Variants in UQCRFS1 observed in about 807,000 individuals in gnomAD.
The protein encoded by UQCRFS1 is ubiquinol-cytochrome c reductase, Rieske iron-sulfur polypeptide 1.
A neutral mutation model predicts 15.6 loss-of-function variants in UQCRFS1; 6 were observed. The observed-to-expected ratio is 0.38, with a 90% confidence interval of 0.21 to 0.76. The LOEUF is 0.76. Among genes scored for constraint, UQCRFS1 ranks in the 30% least tolerant of loss-of-function variants. The probability of loss-of-function intolerance (pLI) is 0.44; values close to 1 mark genes in which losing one functional copy is unlikely to be tolerated. For synonymous variants in UQCRFS1, 105 were observed against 154.3 expected (o/e 0.68, Z 2.37); for missense variants, 203 against 366.7 (o/e 0.55, Z 3.65).
At chr19:29,211,495 T>G (rs1296437667) in intron 1 of UQCRFS1, among the ~76,000 whole-genome samples, 1 of 152,200 alleles carries the variant, frequency 6.6e-6, no homozygotes, top group Admixed American at 6.5e-5. Context: ...AAATATTCAT[T>G]CACAAATACT....
In UQCRFS1 at chr19:29,207,657, T is replaced by A; in HGVS notation, c.716A>T (p.His239Leu). The A allele has an allele frequency of 1.2e-6, 2 of 1,613,912 alleles. No homozygotes were observed. The highest frequency in any genetic ancestry group is 2.2e-5 in the South Asian group (2 of 91,082). Residue 239 changes from histidine to leucine, a missense_variant, in exon 2 of 2, where the codon CAT (histidine) becomes CTT (leucine). Physicochemically the swap from His to Leu is moderately conservative, Grantham distance 99. Around this residue, in one of 3 missense-constraint regions of UQCRFS1, gnomAD observed 91 missense variants for 186.9 expected, o/e 0.49. Coordinates refer to ENST00000304863, the MANE Select transcript of UQCRFS1 (RefSeq NM_006003.3). ...GCCAGATGCATCATAGTGTGACCCA[T>A]GGCAAGGGCAGTAATAACCACCAAA... ...GDFGGYYCPC[H>L]GSHYDASGRI...
At position 29,206,660 on chromosome 19, in the gene UQCRFS1, G is replaced by A. The variant is rs1030450261; in HGVS notation, c.*888C>T. The stretch of plus-strand genomic sequence containing the variant: ...GTGCTGAGTGACTGTAAACCCAACA[G>A]GAAAAAACATTCAAAGTGTCATCAC... On this transcript the variant is annotated 3_prime_UTR_variant, in exon 2 of 2. Coordinates refer to ENST00000304863, the MANE Select transcript of UQCRFS1 (RefSeq NM_006003.3). The A allele has an allele frequency of 1.6e-4, 24 of 152,144 alleles. No homozygotes were observed. The highest frequency in any genetic ancestry group is 4.1e-4 in the African/African-American group (17 of 41,418). The allele number at this position is 152,144 out of a possible 1,614,324, so 9.4% of individuals were successfully genotyped here.
intron 1 of UQCRFS1, among the ~76,000 whole-genome samples, chr19:29,209,648 C>A (rs1976624714): frequency 6.6e-6 from 1 of 152,140 alleles, no homozygotes; most frequent in Non-Finnish European, 1.5e-5. Flanking sequence ...TACTACTACT[C>A]TAACAAATAA....
In UQCRFS1 at chr19:29,207,421, G is replaced by A; in HGVS notation, c.*127C>T. On this transcript the variant is annotated 3_prime_UTR_variant, in exon 2 of 2. Coordinates refer to ENST00000304863, the MANE Select transcript of UQCRFS1 (RefSeq NM_006003.3). The stretch of plus-strand genomic sequence containing the variant: ...TAAATTCAATTTATTTCACATTAAT[G>A]TTTGCAAATACATCATCAATTCTTA... The A allele has an allele frequency of 1.7e-6, 2 of 1,146,246 alleles. No homozygotes were observed. Among genetic ancestry groups the A allele is most frequent in the Admixed American group, 3.0e-5 (1 of 33,620 alleles). The allele number at this position is 1,146,246 out of a possible 1,614,324, so 71.0% of individuals were successfully genotyped here. A position where few individuals can be genotyped will look rare whatever the true frequency, so the allele number is the denominator to read the frequency against.
Position 29,213,074 on chromosome 19 carries a change from C to T in UQCRFS1, c.45G>A (p.Leu15=), listed in dbSNP as rs1045752952. 45 of 1,479,710 alleles carry T rather than the reference C, an allele frequency of 3.0e-5. No individual in the cohort carries two copies. The highest frequency in any genetic ancestry group is 4.0e-5 in the Non-Finnish European group (45 of 1,125,850). The allele number at this position is 1,479,710 out of a possible 1,614,324, so 91.7% of individuals were successfully genotyped here. The change falls in exon 1 of 2, where the codon CTG becomes CTA. Residue 15 remains leucine, a synonymous_variant. Transcript: ENST00000304863. ...ASRSGPFAPV[L]SATSRGVAGA... ...CCGCCACCCCGCGGGACGTGGCCGA[C>T]AGGACGGGCGCGAACGGGCCTGAGC...
At position 29,207,737 on chromosome 19, in the gene UQCRFS1, G is replaced by T. The variant is rs371592376; in HGVS notation, c.636C>A (p.Ile212=). The T allele has an allele frequency of 6.8e-6, 11 of 1,613,814 alleles. No individual in the cohort carries two copies. The African/African-American group carries it at 1.3e-4, about 20-fold the overall frequency. Residue 212 remains isoleucine, a synonymous_variant, in exon 2 of 2, where the codon ATC becomes ATA. Coordinates refer to ENST00000304863, the MANE Select transcript of UQCRFS1 (RefSeq NM_006003.3). ...LDRVKKPEWV[I]LIGVCTHLGC... is the part of the protein sequence containing the mutation. ...CAAGATGAGTGCAAACACCTATCAG[G>T]ATAACCCATTCAGGTTTCTTTACTC...
intron 1 of UQCRFS1, among the ~76,000 whole-genome samples, chr19:29,209,534 G>A (rs989006525): frequency 1.3e-5 from 2 of 152,122 alleles, no homozygotes; most frequent in African/African-American, 4.8e-5. Flanking sequence ...CACTCTATGT[G>A]CTTTTCTGAC....
chr19:29,212,779 C>CAG (rs1976672896), intron 1 of UQCRFS1, 126 bp downstream of exon 1: 1 of 1,071,448 alleles, frequency 9.3e-7, no homozygotes, highest in Non-Finnish European at 1.2e-6. Context: ...CCCAGAGTTG[C>CAG]GGAGGCCGCC....
chr19:29,212,722 G>C (rs1239786253), intron 1 of UQCRFS1, among the ~76,000 whole-genome samples, 183 bp downstream of exon 1: 1 of 152,192 alleles, frequency 6.6e-6, no homozygotes, highest in African/African-American at 2.4e-5. Context: ...CGGCGGACGC[G>C]AGTCCAGGCC....
chr19:29,209,857 C>G (rs538815372), intron 1 of UQCRFS1, among the ~76,000 whole-genome samples: 1 of 152,282 alleles, frequency 6.6e-6, no homozygotes, highest in South Asian at 2.1e-4. Context: ...AATAAAATGG[C>G]TTTGCCCTTC....
At chr19:29,212,803 T>C in intron 1 of UQCRFS1, 102 bp downstream of exon 1, 3 of 1,242,526 alleles carry the variant, frequency 2.4e-6, no homozygotes, top group African/African-American at 1.6e-5. Context: ...CCCGACCTGA[T>C]TCAGGCTCCG....
In UQCRFS1 at chr19:29,213,047, G is replaced by A. The variant is rs1849443182; in HGVS notation, c.72C>T (p.Gly24=). ...VLSATSRGVA[G]ALRPLVQATV... ...TGGCCTGCACCAAGGGCCGCAGCGC[G>A]CCCGCCACCCCGCGGGACGTGGCCG... Residue 24 remains glycine, a synonymous_variant, in exon 1 of 2, where the codon GGC becomes GGT. Transcript: ENST00000304863. The A allele has an allele frequency of 1.4e-6, 2 of 1,441,476 alleles. No homozygotes were observed. The highest frequency in any genetic ancestry group is 3.0e-5 in the African/African-American group (2 of 66,518). The allele number at this position is 1,441,476 out of a possible 1,614,324, so 89.3% of individuals were successfully genotyped here.
rs540231247 is a variant in UQCRFS1, at chr19:29,211,219, G to A, written c.214+1686C>T. On this transcript the variant is annotated intron_variant, in intron 1 of 1. Transcript: ENST00000304863. ...ACAACCCCATCAAAAAGTGGGCGAAGGACATGAACAGACACTTCTCAAAAG... is the reference window on the plus strand; with the variant it reads ...ACAACCCCATCAAAAAGTGGGCGAAAGACATGAACAGACACTTCTCAAAAG... 7.5e-3 allele frequency among the ~76,000 whole-genome samples: 1,140 copies of A among 151,844 alleles called. 8 individuals are homozygous for A. The highest frequency in any genetic ancestry group is 0.017 in the Middle Eastern group (5 of 294).
At chr19:29,210,461 T>C (rs903049738) in intron 1 of UQCRFS1, among the ~76,000 whole-genome samples, 10 of 151,512 alleles carry the variant, frequency 6.6e-5, no homozygotes, top group African/African-American at 1.9e-4. Context: ...GCTGCACCCA[T>C]TGACTCATCA....
Position 29,207,791 on chromosome 19 carries a change from C to G in UQCRFS1, c.582G>C (p.Gln194His). ...CTAGATCATGCTGTGGGTCCCTCAA[C>G]TGTGATAATTCAACTGCAGCTTCCT... ...IEQEAAVELS[Q>H]LRDPQHDLDR... Residue 194 changes from glutamine to histidine, a missense_variant, in exon 2 of 2, where the codon CAG (glutamine) becomes CAC (histidine). Gln to His is a conservative substitution (Grantham distance 24). Around this residue, in one of 3 missense-constraint regions of UQCRFS1, gnomAD observed 91 missense variants for 186.9 expected, o/e 0.49. Transcript: ENST00000304863. The G allele has an allele frequency of 1.9e-6, 3 of 1,614,014 alleles. No individual in the cohort carries two copies. In the South Asian group the frequency reaches 3.3e-5, roughly 18 times the overall value.
chr19:29,207,098 A>G lies in UQCRFS1; in HGVS notation c.*450T>C, dbSNP rs1976602075. 6.3e-6 allele frequency: 1 copy of G among 159,536 alleles called. No homozygotes were observed. The highest frequency in any genetic ancestry group is 1.8e-4 in the South Asian group (1 of 5,492). The allele number at this position is 159,536 out of a possible 1,614,324, so 9.9% of individuals were successfully genotyped here. A position where few individuals can be genotyped will look rare whatever the true frequency, so the allele number is the denominator to read the frequency against. Reference sequence around the variant, plus strand: ...AGCCAGGACTCTTACCAAGTCCGGTAAATAAGGAATACCTAGATACTACTG... The same window carrying G: ...AGCCAGGACTCTTACCAAGTCCGGTGAATAAGGAATACCTAGATACTACTG... On this transcript the variant is annotated 3_prime_UTR_variant, in exon 2 of 2. Coordinates refer to ENST00000304863, the MANE Select transcript of UQCRFS1 (RefSeq NM_006003.3).
chr19:29,212,380 T>G (rs954094644), intron 1 of UQCRFS1, among the ~76,000 whole-genome samples: 1 of 103,290 alleles, frequency 9.7e-6, no homozygotes, highest in African/African-American at 2.8e-5. Context: ...TGTATGTTTT[T>G]TTTGTTTTTT....
At position 29,205,823 on chromosome 19, in the gene UQCRFS1, A is replaced by G. The variant is rs1248979531; in HGVS notation, c.*1725T>C. The G allele has an allele frequency of 6.6e-6, 1 of 152,190 alleles. No individual in the cohort carries two copies. Among genetic ancestry groups the G allele is most frequent in the Admixed American group, 6.5e-5 (1 of 15,284 alleles). 9.4% of individuals were successfully genotyped at this position (152,190 alleles called of 1,614,324 possible). A position where few individuals can be genotyped will look rare whatever the true frequency, so the allele number is the denominator to read the frequency against. Reference sequence around the variant, plus strand: ...TTGTGGAACAAAGCCTTCTTTAAAAACTAAATGGTCTACTACAATTTAACA... The same window carrying G: ...TTGTGGAACAAAGCCTTCTTTAAAAGCTAAATGGTCTACTACAATTTAACA... On this transcript the variant is annotated 3_prime_UTR_variant, in exon 2 of 2. Transcript: ENST00000304863.
At position 29,213,122 on chromosome 19, in the gene UQCRFS1, G is replaced by A. The variant is rs758188382; in HGVS notation, c.-4C>T. 17 of 1,521,148 alleles carry A rather than the reference G, an allele frequency of 1.1e-5. No homozygotes were observed. The highest frequency in any genetic ancestry group is 2.6e-5 in the East Asian group (1 of 38,654). 94.2% of individuals were successfully genotyped at this position (1,521,148 alleles called of 1,614,324 possible). A position where few individuals can be genotyped will look rare whatever the true frequency, so the allele number is the denominator to read the frequency against. ...AGCGGGATGCTACCGACAACATGGC[G>A]ACAGCCGCTCCAACCGCCAAGCCGG... is the stretch of plus-strand genomic sequence containing the variant. On this transcript the variant is annotated 5_prime_UTR_variant, in exon 1 of 2. Transcript: ENST00000304863.
Sources: allele counts gnomAD v4.1 joint callset (sites outside exome capture counted in the v4.1 genomes callset), GRCh38; gene constraint gnomAD v4.1.1; regional missense constraint gnomAD v4.1.1; transcripts MANE v1.5; gene names NCBI Gene and HGNC (gene_info 2026-07-23, HGNC 2026-07-21).